The following LUZP2 variants were observed in gnomAD, a reference collection of about 807,000 sequenced individuals.
LUZP2 encodes the protein leucine zipper protein 2.
A neutral mutation model predicts 51.6 loss-of-function variants in LUZP2; 52 were observed. The ratio of observed to expected loss-of-function variants is 1.01; its 90% CI spans 0.81 to 1.27. The LOEUF (loss-of-function observed/expected upper bound fraction) is 1.27. LUZP2 is among the 50% of genes most tolerant of loss of function. LUZP2 has a pLI of 0.00. For synonymous variants in LUZP2, 154 were observed against 137.3 expected (o/e 1.12, Z -0.85); for missense variants, 436 against 395.4 (o/e 1.10, Z -0.87).
intron 1 of LUZP2, among the ~76,000 whole-genome samples, chr11:24,678,178 T>C (rs1214875438): frequency 6.6e-6 from 1 of 152,140 alleles, no homozygotes; most frequent in African/African-American, 2.4e-5. Flanking sequence ...AGGATCATAC[T>C]GGGTATTTTA....
intron 1 of LUZP2, among the ~76,000 whole-genome samples, chr11:24,507,088 G>T (rs953765615): frequency 1.3e-5 from 2 of 152,046 alleles, no homozygotes; most frequent in African/African-American, 2.4e-5. Flanking sequence ...ACAAAAGTTT[G>T]CCAGGTAATA....
intron 10 of LUZP2, 110 bp from the exon 11 acceptor site, chr11:25,077,218 CA>C (rs1450287763): frequency 3.3e-5 from 28 of 836,558 alleles, no homozygotes; most frequent in Non-Finnish European, 5.2e-5. Flanking sequence ...CAGTATGGAT[CA>C]AAGTGATAGA....
chr11:24,960,414 G>T (rs1275162482), intron 7 of LUZP2, among the ~76,000 whole-genome samples: 1 of 152,028 alleles, frequency 6.6e-6, no homozygotes, highest in Admixed American at 6.5e-5. Flanking sequence ...ATTGATTATT[G>T]CCTCAATTTC....
intron 5 of LUZP2, among the ~76,000 whole-genome samples, chr11:24,887,777 A>G (rs1275009628): frequency 1.3e-5 from 2 of 152,224 alleles, no homozygotes; most frequent in East Asian, 3.9e-4. Flanking sequence ...AAAAGGGCAA[A>G]TGTATTTTCT....
intron 1 of LUZP2, among the ~76,000 whole-genome samples, chr11:24,646,281 T>A (rs879770806): frequency 2.0e-5 from 3 of 152,046 alleles, no homozygotes; most frequent in African/African-American, 4.8e-5. Context: ...AAAACCAAAT[T>A]ATTTTCTACA....
chr11:25,052,309 G>T (rs934052054), intron 10 of LUZP2, among the ~76,000 whole-genome samples: 2 of 152,156 alleles, frequency 1.3e-5, no homozygotes, highest in African/African-American at 4.8e-5. Context: ...GTACTTCTTA[G>T]CTCTGTCTCC....
chr11:24,680,780 A>G (rs548394697), intron 1 of LUZP2, among the ~76,000 whole-genome samples: 2 of 152,314 alleles, frequency 1.3e-5, no homozygotes, highest in East Asian at 3.9e-4. Context: ...TTATACATAT[A>G]GGAATCAAGG....
chr11:24,950,932 T>C (rs1343044385), intron 7 of LUZP2, among the ~76,000 whole-genome samples: 1 of 151,584 alleles, frequency 6.6e-6, no homozygotes, highest in African/African-American at 2.4e-5. Context: ...TTTTAGTTTT[T>C]TTTTGTGTTA....
At chr11:25,048,626 T>C (rs974936474) in intron 9 of LUZP2, among the ~76,000 whole-genome samples, 2 of 152,130 alleles carry the variant, frequency 1.3e-5, no homozygotes, top group Non-Finnish European at 2.9e-5. Context: ...ATAACTTTTG[T>C]TTTCCTGTTT....
intron 10 of LUZP2, among the ~76,000 whole-genome samples, chr11:25,074,399 G>A (rs1232266122): frequency 1.3e-5 from 2 of 152,136 alleles, no homozygotes; most frequent in African/African-American, 4.8e-5. Context: ...ATTTAAAGTT[G>A]CTATTCATTG....
At chr11:24,838,843 T>C (rs1333693635) in intron 5 of LUZP2, among the ~76,000 whole-genome samples, 1 of 151,784 alleles carries the variant, frequency 6.6e-6, no homozygotes, top group African/African-American at 2.4e-5. Flanking sequence ...TGTAAAGAAA[T>C]GTTTTTTATA....
rs577854701 is a variant in LUZP2, at chr11:25,005,922, A to G, written c.765+22629A>G. On this transcript the variant is annotated intron_variant, in intron 9 of 11. Transcript: ENST00000336930. ...TATCGGGATCTTACCCCTGTCCTAT[A>G]AAGATGTTATGCCCCAAAAATGAAG... Among the ~76,000 whole-genome samples the G allele has an allele frequency of 2.6e-5, 4 of 152,192 alleles. No homozygotes were observed. In the South Asian group the frequency reaches 6.2e-4, roughly 24 times the overall value.
chr11:24,582,198 A>G (rs191584182), intron 1 of LUZP2, among the ~76,000 whole-genome samples: 90 of 152,158 alleles, frequency 5.9e-4, no homozygotes, highest in African/African-American at 2.1e-3. Context: ...ATTTGTATGT[A>G]ATAAAAATAT....
chr11:24,557,869 T>C (rs1335615765), intron 1 of LUZP2, among the ~76,000 whole-genome samples: 2 of 152,162 alleles, frequency 1.3e-5, no homozygotes, highest in Admixed American at 6.6e-5. Context: ...TTCTTCAGTA[T>C]GTGCTGAGCC....
rs1419593601 is a variant in LUZP2, at chr11:24,876,320, A to T, written c.397-29671A>T. On this transcript the variant is annotated intron_variant, in intron 5 of 11. Coordinates refer to ENST00000336930, the MANE Select transcript of LUZP2 (RefSeq NM_001009909.4). ...CAGTTTCAGCTTTCTACATATGGCT[A>T]GCCAGTTTTCCCAGCACCATTTATT... Among the ~76,000 whole-genome samples the T allele has an allele frequency of 2.7e-5, 4 of 150,018 alleles. 1 individual carries two copies. In the East Asian group the frequency reaches 7.8e-4, roughly 29 times the overall value.
intron 1 of LUZP2, among the ~76,000 whole-genome samples, chr11:24,623,572 A>T (rs1465644391): frequency 1.3e-5 from 2 of 152,188 alleles, no homozygotes; most frequent in Admixed American, 6.5e-5. Context: ...CATGCCAGGC[A>T]CAGTGGCTCA....
At chr11:24,965,496 C>T (rs931986899) in intron 7 of LUZP2, among the ~76,000 whole-genome samples, 2 of 151,360 alleles carry the variant, frequency 1.3e-5, no homozygotes, top group Non-Finnish European at 3.0e-5. Flanking sequence ...CACAAAAAGG[C>T]TGAATAAATT....
At chr11:24,751,315 TG>T (rs1287527510) in intron 4 of LUZP2, 2 of 152,178 alleles carry the variant, frequency 1.3e-5, no homozygotes, top group African/African-American at 4.8e-5. Context: ...TATATGTCTT[TG>T]GAAGAGATCG....
chr11:24,954,183 C>A (rs1341806033), intron 7 of LUZP2, among the ~76,000 whole-genome samples: 2 of 151,946 alleles, frequency 1.3e-5, no homozygotes, highest in African/African-American at 4.8e-5. Context: ...TAACACAAAT[C>A]TTTGTACAGT....
Sources: gnomAD v4.1 joint callset for allele counts (sites outside exome capture counted in the v4.1 genomes callset) on GRCh38, gnomAD v4.1.1 for gene constraint, MANE v1.5 for transcripts, NCBI Gene and HGNC (gene_info 2026-07-23, HGNC 2026-07-21) for gene names.